The following SMC6 variants were observed in gnomAD, a reference collection of about 807,000 sequenced individuals.
The protein encoded by SMC6 is structural maintenance of chromosomes 6.
Under a neutral mutation model 142.2 loss-of-function variants are expected in SMC6, and 79 were observed. That is an observed-to-expected ratio of 0.56 (90% CI 0.46 to 0.67). SMC6 has a LOEUF of 0.67. Among genes scored for constraint, SMC6 ranks in the 30% least tolerant of loss-of-function variants. The pLI is 0.00. For synonymous variants in SMC6, 411 were observed against 412.4 expected (o/e 1.00, Z 0.04); for missense variants, 1,072 against 1,284.0 (o/e 0.83, Z 2.52).
At chr2:17,673,503 C>G (rs920600671) in intron 25 of SMC6, among the ~76,000 whole-genome samples, 9 of 151,518 alleles carry the variant, frequency 5.9e-5, no homozygotes, top group African/African-American at 2.2e-4. Flanking sequence ...TTCTAAATTA[C>G]TTTTTGTATA....
intron 11 of SMC6, among the ~76,000 whole-genome samples, chr2:17,719,716 G>C (rs765840470): frequency 5.3e-5 from 8 of 152,186 alleles, no homozygotes; most frequent in Non-Finnish European, 1.2e-4. Context: ...AATTTAAGGT[G>C]AGAGGTGGAA....
rs1666391686 is a variant in SMC6 at position 17,664,119 on chromosome 2, C to A, written c.*1380G>T. 1 of 152,168 alleles carries A rather than the reference C, an allele frequency of 6.6e-6. No homozygotes were observed. Among genetic ancestry groups the A allele is most frequent in the African/African-American group, 2.4e-5 (1 of 41,448 alleles). 9.4% of individuals were successfully genotyped at this position (152,168 alleles called of 1,614,324 possible). A position where few individuals can be genotyped will look rare whatever the true frequency, so the allele number is the denominator to read the frequency against. On this transcript the variant is annotated 3_prime_UTR_variant, in exon 28 of 28. Coordinates refer to ENST00000448223, the MANE Select transcript of SMC6 (RefSeq NM_001142286.2). ...TGAAAGTTTATGCATTTGGTATACT[C>A]TACTTCATTTTTAATTTGGAAAAGC...
At chr2:17,689,525 G>GA (rs897998994) in intron 23 of SMC6, among the ~76,000 whole-genome samples, 2 of 151,938 alleles carry the variant, frequency 1.3e-5, no homozygotes, top group African/African-American at 4.8e-5. Flanking sequence ...GAATGGTACA[G>GA]AAAAAAAAGT....
chr2:17,679,038 G>T, intron 24 of SMC6, 74 bp from the exon 25 acceptor site: 1 of 989,874 alleles, frequency 1.0e-6, no homozygotes, highest in Non-Finnish European at 1.5e-6. Context: ...CATGATCTAA[G>T]CATGTGAGAA....
At chr2:17,750,855 A>T (rs979823651) in intron 2 of SMC6, among the ~76,000 whole-genome samples, 5 of 143,938 alleles carry the variant, frequency 3.5e-5, no homozygotes, top group African/African-American at 1.1e-4. Flanking sequence ...ACAAAAAAAA[A>T]TTAGCTGGGC....
intron 3 of SMC6, among the ~76,000 whole-genome samples, 170 bp from the exon 4 acceptor site, chr2:17,741,899 G>A (rs1443779013): frequency 2.0e-5 from 3 of 152,224 alleles, no homozygotes; most frequent in Non-Finnish European, 4.4e-5. Context: ...AACCTTCTAT[G>A]AGTCAGTACT....
chr2:17,703,459 T>A (rs1388719203), intron 18 of SMC6, among the ~76,000 whole-genome samples, 167 bp from the exon 19 acceptor site: 1 of 152,216 alleles, frequency 6.6e-6, no homozygotes, highest in East Asian at 1.9e-4. Context: ...TGAAAATCTA[T>A]TGCAGACATT....
chr2:17,672,998 A>G (rs905534233), intron 25 of SMC6, among the ~76,000 whole-genome samples: 1 of 152,158 alleles, frequency 6.6e-6, no homozygotes, highest in Non-Finnish European at 1.5e-5. Flanking sequence ...AGGTTTCCAA[A>G]TTAGTTTGAC....
intron 25 of SMC6, among the ~76,000 whole-genome samples, chr2:17,673,553 T>TA (rs869289770): frequency 9.9e-5 from 15 of 150,872 alleles, no homozygotes; most frequent in East Asian, 7.7e-4. Context: ...GTTTATTATT[T>TA]AAAAAAAAAT....
chr2:17,745,384 C>T (rs921669480), intron 3 of SMC6, among the ~76,000 whole-genome samples: 1 of 152,116 alleles, frequency 6.6e-6, no homozygotes, highest in Non-Finnish European at 1.5e-5. Context: ...AGTTATAGGG[C>T]TATTCAGATG....
At chr2:17,699,694 A>T (rs200580804) in intron 21 of SMC6, among the ~76,000 whole-genome samples, 1,982 of 152,294 alleles carry the variant, frequency 0.013, 22 homozygotes, top group East Asian at 0.031. Flanking sequence ...ATGAGGAATA[A>T]CAAGTGAATA....
At chr2:17,733,087 A>C (rs1428849081) in intron 5 of SMC6, among the ~76,000 whole-genome samples, 1 of 152,244 alleles carries the variant, frequency 6.6e-6, no homozygotes. Flanking sequence ...CTTAATATAA[A>C]AGTGTTTTAA....
At chr2:17,724,725 G>C (rs1218669962) in intron 9 of SMC6, among the ~76,000 whole-genome samples, 1 of 152,196 alleles carries the variant, frequency 6.6e-6, no homozygotes, top group Non-Finnish European at 1.5e-5. Context: ...TTTGCAAGCT[G>C]CCAAGCCTGG....
chr2:17,667,242 T>G (rs189323578), intron 26 of SMC6, among the ~76,000 whole-genome samples: 3 of 152,306 alleles, frequency 2.0e-5, no homozygotes, highest in African/African-American at 7.2e-5. Context: ...TTTCCCTCAA[T>G]GATAAAGGTT....
In SMC6 at chr2:17,718,075, A is replaced by C; in HGVS notation, c.1092+2T>G. 1 of 1,380,068 alleles carries C rather than the reference A, an allele frequency of 7.2e-7. No individual in the cohort carries two copies. The highest frequency in any genetic ancestry group is 1.0e-6 in the Non-Finnish European group (1 of 993,786). 85.5% of individuals were successfully genotyped at this position (1,380,068 alleles called of 1,614,324 possible). ...AATTCCAGTTTAGAAAATTTATCTC[A>C]CCTCAGCTTCATTATAGGCCCTTTT... On this transcript the variant is annotated splice_donor_variant, in intron 12 of 27. Coordinates refer to ENST00000448223, the MANE Select transcript of SMC6 (RefSeq NM_001142286.2). LOFTEE classifies it high-confidence loss of function.
chr2:17,682,381 C>A (rs765543748), intron 24 of SMC6, among the ~76,000 whole-genome samples: 1 of 152,182 alleles, frequency 6.6e-6, no homozygotes, highest in Non-Finnish European at 1.5e-5. Context: ...CACTGCTCTT[C>A]ACCGACAGAG....
intron 26 of SMC6, among the ~76,000 whole-genome samples, chr2:17,666,765 T>C (rs571989630): frequency 2.6e-5 from 4 of 151,904 alleles, no homozygotes; most frequent in South Asian, 4.2e-4. Context: ...ACAGGATCAA[T>C]TGAGGTCAGG....
chr2:17,722,750 T>C (rs1017412528), intron 9 of SMC6, among the ~76,000 whole-genome samples: 1 of 152,192 alleles, frequency 6.6e-6, no homozygotes, highest in African/African-American at 2.4e-5. Flanking sequence ...GCCCTTGGCT[T>C]CTCATGGCTT....
chr2:17,665,437 C>G lies in SMC6; in HGVS notation c.*62G>C. The G allele has an allele frequency of 9.1e-7, 1 of 1,101,248 alleles. No individual in the cohort carries two copies. Among genetic ancestry groups the G allele is most frequent in the Non-Finnish European group, 1.3e-6 (1 of 764,962 alleles). The allele number at this position is 1,101,248 out of a possible 1,614,324, so 68.2% of individuals were successfully genotyped here. A position where few individuals can be genotyped will look rare whatever the true frequency, so the allele number is the denominator to read the frequency against. The stretch of plus-strand genomic sequence containing the variant: ...GTCTCATTTTATTATATCAAAGAGT[C>G]CAGAATTTTTTTTCCCTTCACAAAT... On this transcript the variant is annotated 3_prime_UTR_variant, in exon 28 of 28. Transcript: ENST00000448223.
Sources: allele counts gnomAD v4.1 joint callset (sites outside exome capture counted in the v4.1 genomes callset), GRCh38; gene constraint gnomAD v4.1.1; transcripts MANE v1.5; gene names NCBI Gene and HGNC (gene_info 2026-07-23, HGNC 2026-07-21).